The following ACAT1 variants were observed in gnomAD, a reference collection of about 807,000 sequenced individuals.
ACAT1 encodes acetyl-CoA acetyltransferase, mitochondrial.
A neutral mutation model predicts 47.3 loss-of-function variants in ACAT1; 28 were observed. The observed-to-expected ratio is 0.59, with a 90% CI of 0.44 to 0.81. The LOEUF is 0.81. ACAT1 is among the 30% of genes least tolerant of loss of function. The probability of loss-of-function intolerance (pLI) is 0.00; values close to 1 mark genes in which losing one functional copy is unlikely to be tolerated. For synonymous variants in ACAT1, 181 were observed against 173.6 expected (o/e 1.04, Z -0.34); for missense variants, 469 against 524.3 (o/e 0.89, Z 1.03).
At chr11:108,126,433 A>G (rs1408745272) in intron 1 of ACAT1, among the ~76,000 whole-genome samples, 2 of 152,260 alleles carry the variant, frequency 1.3e-5, no homozygotes, top group African/African-American at 2.4e-5. Flanking sequence ...ACCTAGAGCC[A>G]GATCATGCAG....
At chr11:108,123,395 A>T (rs943018365) in intron 1 of ACAT1, among the ~76,000 whole-genome samples, 2 of 152,222 alleles carry the variant, frequency 1.3e-5, no homozygotes, top group Non-Finnish European at 2.9e-5. Context: ...AACTATAAAC[A>T]GGATTTCCAG....
intron 10 of ACAT1, chr11:108,144,329 G>A: frequency 2.3e-6 from 1 of 432,842 alleles, no homozygotes; most frequent in Non-Finnish European, 4.2e-6. Flanking sequence ...ACCTGGTGTG[G>A]TAACCACAAA....
intron 10 of ACAT1, 29 bp downstream of exon 10, chr11:108,144,076 ATTATGCTAGCTTCTGGTTTGCT>A (rs780215828): frequency 6.4e-7 from 1 of 1,574,336 alleles, no homozygotes; most frequent in Non-Finnish European, 8.7e-7. Context: ...GCGATACTCC[ATTATGCTAGCTTCTGGTTTGCT>A]TATACCAAGG....
intron 8 of ACAT1, 62 bp from the exon 9 acceptor site, chr11:108,142,370 GTTGAA>G: frequency 8.0e-7 from 1 of 1,245,310 alleles, no homozygotes; most frequent in Non-Finnish European, 1.2e-6. Context: ...ATAGGTATTT[GTTGAA>G]TTGAACCAAA....
intron 2 of ACAT1, among the ~76,000 whole-genome samples, chr11:108,132,873 A>G (rs12786416): frequency 0.23 from 31,012 of 137,424 alleles, 4,064 homozygotes; most frequent in East Asian, 0.52. Context: ...AAAAAAAAAA[A>G]AAAAAAAAGA....
chr11:108,120,485 G>A (rs1260614143), upstream of ACAT1, among the ~76,000 whole-genome samples: 2 of 151,982 alleles, frequency 1.3e-5, no homozygotes, highest in African/African-American at 4.8e-5. Context: ...AGGCTGCAGT[G>A]AGATATGATT....
At chr11:108,132,310 C>A (rs2077376777) in intron 2 of ACAT1, among the ~76,000 whole-genome samples, 1 of 152,118 alleles carries the variant, frequency 6.6e-6, no homozygotes, top group Admixed American at 6.6e-5. Flanking sequence ...GGGAATTAGA[C>A]AAGGAGGGCC....
chr11:108,142,378 GAACCA>G, intron 8 of ACAT1, 54 bp from the exon 9 acceptor site: 1 of 1,333,842 alleles, frequency 7.5e-7, no homozygotes, highest in South Asian at 1.2e-5. Context: ...TTGTTGAATT[GAACCA>G]AATACATTTA....
At chr11:108,142,392 T>C (rs1359967807) in intron 8 of ACAT1, 45 bp from the exon 9 acceptor site, 1 of 1,427,990 alleles carries the variant, frequency 7.0e-7, no homozygotes, top group Non-Finnish European at 9.8e-7. Flanking sequence ...CAAATACATT[T>C]ATTGTGAAGG....
chr11:108,128,459 C>T (rs763316653), intron 1 of ACAT1, among the ~76,000 whole-genome samples: 6 of 152,116 alleles, frequency 3.9e-5, no homozygotes, highest in South Asian at 2.1e-4. Flanking sequence ...GGCGTGGTGG[C>T]GCATGCCTGT....
At chr11:108,126,801 T>C (rs2077256935) in intron 1 of ACAT1, among the ~76,000 whole-genome samples, 1 of 42,826 alleles carries the variant, frequency 2.3e-5, no homozygotes, top group Non-Finnish European at 4.4e-5. Context: ...CTTTTTTTTT[T>C]TTTTTTTTTT....
intron 1 of ACAT1, chr11:108,128,086 C>A (rs1344927922): frequency 6.6e-6 from 1 of 152,228 alleles, no homozygotes; most frequent in Non-Finnish European, 1.5e-5. Flanking sequence ...AAGGTGAGCC[C>A]AGTCTTGCTG....
At position 108,138,969 on chromosome 11, in the gene ACAT1, A is replaced by T. The variant is rs201456540; in HGVS notation, c.507A>T (p.Pro169=). 2 of 1,614,196 alleles carry T rather than the reference A, an allele frequency of 1.2e-6. No individual in the cohort carries two copies. The highest frequency in any genetic ancestry group is 1.7e-6 in the Non-Finnish European group (2 of 1,180,036). Residue 169 remains proline, a synonymous_variant, in exon 6 of 12, where the codon CCA becomes CCT. Coordinates refer to ENST00000265838, the MANE Select transcript of ACAT1 (RefSeq NM_000019.4). ...VPYVMNRGST[P]YGGVKLEDLI... is the part of the protein sequence containing the mutation. The stretch of plus-strand genomic sequence containing the variant: ...ATGTAATGAACAGAGGATCAACACC[A>T]TATGGTGGGGTAAAGCTTGAAGATT...
At chr11:108,134,753 G>T (rs1406496698) in intron 4 of ACAT1, among the ~76,000 whole-genome samples, 1 of 151,044 alleles carries the variant, frequency 6.6e-6, no homozygotes, top group East Asian at 1.9e-4. Context: ...AGACCATCCT[G>T]GCTAACACAG....
intron 1 of ACAT1, 130 bp downstream of exon 1, chr11:108,121,808 C>G: frequency 9.6e-7 from 1 of 1,047,092 alleles, no homozygotes; most frequent in African/African-American, 1.6e-5. Context: ...GACAGTCACG[C>G]GACGGGTTCT....
chr11:108,121,840 C>T, intron 1 of ACAT1, 162 bp downstream of exon 1: 1 of 702,508 alleles, frequency 1.4e-6, no homozygotes, highest in South Asian at 1.8e-5. Flanking sequence ...CGCCTAAGTG[C>T]TCCGATAACA....
chr11:108,120,062 AC>A (rs2077122779), upstream of ACAT1, among the ~76,000 whole-genome samples: 1 of 152,092 alleles, frequency 6.6e-6, no homozygotes, highest in African/African-American at 2.4e-5. Flanking sequence ...CTACTAAAAT[AC>A]AAAAGATTAG....
intron 5 of ACAT1, among the ~76,000 whole-genome samples, chr11:108,138,304 TA>T (rs1394718195): frequency 2.7e-5 from 4 of 150,840 alleles, no homozygotes; most frequent in African/African-American, 9.8e-5. Flanking sequence ...GTATTCTTAT[TA>T]ATGTCTGGTT....
intron 6 of ACAT1, chr11:108,139,271 GC>G (rs2077533908): frequency 1.9e-6 from 1 of 527,204 alleles, no homozygotes; most frequent in Non-Finnish European, 3.4e-6. Flanking sequence ...GCTGGCAACT[GC>G]TTGGCTAATT....
Sources: allele counts gnomAD v4.1 joint callset (sites outside exome capture counted in the v4.1 genomes callset), GRCh38; gene constraint gnomAD v4.1.1; transcripts MANE v1.5; gene names NCBI Gene and HGNC (gene_info 2026-07-23, HGNC 2026-07-21).